The following DCLK3 variants were observed in gnomAD, a reference collection of about 807,000 sequenced individuals.
The protein encoded by DCLK3 is doublecortin like kinase 3.
DCLK3 carries 30 observed loss-of-function variants against 46.4 expected under a neutral mutation model. The observed-to-expected ratio is 0.65, with a 90% CI of 0.48 to 0.88. The LOEUF (loss-of-function observed/expected upper bound fraction) is 0.88, where lower values mean the gene tolerates loss of function less well. Ranked by LOEUF, DCLK3 falls within the 40% of genes least tolerant of loss-of-function variation. The probability of loss-of-function intolerance (pLI) is 0.00; values close to 1 mark genes in which losing one functional copy is unlikely to be tolerated. For missense variants in DCLK3, 846 were observed against 907.1 expected, an observed-to-expected ratio of 0.93 and a Z score of 0.87; for synonymous variants, 401 against 339.2, an observed-to-expected ratio of 1.18 and a Z score of -2.00.
rs1048337877 is a variant in DCLK3 at position 36,737,743 on chromosome 3, G to C, written c.1424C>G (p.Ser475Cys). ...TCTGAGAGTCATCCTTCTGCCTCCA[G>C]ACATACATGGCTTTTTCTCCTTCTC... Reference protein sequence around the residue: ...EAEKEKKPCMSGGRRMTLRDD... With the variant: ...EAEKEKKPCMCGGRRMTLRDD... The change falls in exon 2 of 5, where the codon TCT becomes TGT. Residue 475 changes from serine to cysteine, a missense_variant. Ser to Cys is a moderately radical substitution (Grantham distance 112). This residue lies in a region of DCLK3 where 553 missense variants were observed against 543.0 expected (regional missense o/e 1.02). Coordinates refer to ENST00000636136, the MANE Select transcript of DCLK3 (RefSeq NM_001394672.2). This position sits in a 1 kb window ranked among gnomAD's most constrained non-coding sequence, Gnocchi z 4.4. 6.2e-6 allele frequency: 10 copies of C among 1,614,018 alleles called. No individual in the cohort carries two copies. The African/African-American group carries it at 9.3e-5, about 15-fold the overall frequency.
intron 2 of DCLK3, among the ~76,000 whole-genome samples, chr3:36,723,782 A>C (rs1278602956): frequency 6.6e-6 from 1 of 152,192 alleles, no homozygotes; most frequent in Non-Finnish European, 1.5e-5. Context: ...TCCAGGCAAA[A>C]GTTTGCTGCA....
rs1194479173 is a variant in DCLK3, at chr3:36,712,928, A to C, written c.*2400T>G. On this transcript the variant is annotated 3_prime_UTR_variant, in exon 5 of 5. Coordinates refer to ENST00000636136, the MANE Select transcript of DCLK3 (RefSeq NM_001394672.2). Reference sequence around the variant, plus strand: ...GAAGTCTTCATAGGACATATGCTTGAATTTCTGCTGGGTAAACATCTAGAA... The same window carrying C: ...GAAGTCTTCATAGGACATATGCTTGCATTTCTGCTGGGTAAACATCTAGAA... 1 of 152,232 alleles carries C rather than the reference A, an allele frequency of 6.6e-6. No homozygotes were observed. Among genetic ancestry groups the C allele is most frequent in the East Asian group, 1.9e-4 (1 of 5,204 alleles). The allele number at this position is 152,232 out of a possible 1,614,324, so 9.4% of individuals were successfully genotyped here. A position where few individuals can be genotyped will look rare whatever the true frequency, so the allele number is the denominator to read the frequency against.
chr3:36,738,429 C>T lies in DCLK3; in HGVS notation c.738G>A (p.Gly246=). Residue 246 remains glycine (G), a synonymous_variant, in exon 2 of 5, where the codon GGG becomes GGA. Transcript: ENST00000636136. ...AGCKAAMRHQ[G]KIPEELSLDD... is the part of the protein sequence containing the mutation. ...CTAGTGAAAGCTCCTCGGGGATCTT[C>T]CCCTGGTGCCTCATGGCTGCCTTGC... is the stretch of plus-strand genomic sequence containing the variant. The T allele has an allele frequency of 6.8e-7, 1 of 1,477,870 alleles. No individual in the cohort carries two copies. Among genetic ancestry groups the T allele is most frequent in the Non-Finnish European group, 9.0e-7 (1 of 1,115,234 alleles). The allele number at this position is 1,477,870 out of a possible 1,614,324, so 91.5% of individuals were successfully genotyped here.
intron 1 of DCLK3, among the ~76,000 whole-genome samples, chr3:36,762,734 C>T (rs1701550681): frequency 6.6e-6 from 1 of 152,052 alleles, no homozygotes; most frequent in African/African-American, 2.4e-5. Context: ...GTGAAGGCAC[C>T]CAGGGTACCA....
At chr3:36,745,717 T>TA (rs1220281866) in intron 1 of DCLK3, among the ~76,000 whole-genome samples, 4 of 152,268 alleles carry the variant, frequency 2.6e-5, no homozygotes, top group Non-Finnish European at 5.9e-5. Flanking sequence ...GAAATAATTT[T>TA]ACTTTTCACT....
intron 1 of DCLK3, among the ~76,000 whole-genome samples, chr3:36,741,254 A>T (rs1198293816): frequency 3.3e-5 from 5 of 152,210 alleles, no homozygotes; most frequent in Non-Finnish European, 1.5e-5. Context: ...ACGCATGTGC[A>T]CAAAAGGGCT....
chr3:36,741,748 G>T (rs1469713377), intron 1 of DCLK3, among the ~76,000 whole-genome samples: 1 of 152,216 alleles, frequency 6.6e-6, no homozygotes, highest in Admixed American at 6.5e-5. Context: ...ATGGAGAAAT[G>T]AATGGTCAGC....
In DCLK3 at chr3:36,737,709, T is replaced by C. The variant is rs1701283519; in HGVS notation, c.1458A>G (p.Gln486=). Residue 486 remains glutamine (Q), a synonymous_variant, in exon 2 of 5, where the codon CAA becomes CAG. Coordinates refer to ENST00000636136, the MANE Select transcript of DCLK3 (RefSeq NM_001394672.2). The surrounding 1 kb of genome is among the most constrained non-coding windows in gnomAD (Gnocchi z 4.4). ...GGRRMTLRDD[Q]PAKLEKEPKT... is the part of the protein sequence containing the mutation. Reference sequence around the variant, plus strand: ...TGGGCTCCTTTTCTAGCTTTGCAGGTTGGTCATCTCTGAGAGTCATCCTTC... The same window carrying C: ...TGGGCTCCTTTTCTAGCTTTGCAGGCTGGTCATCTCTGAGAGTCATCCTTC... The C allele has an allele frequency of 1.9e-6, 3 of 1,614,004 alleles. No individual in the cohort carries two copies. The highest frequency in any genetic ancestry group is 2.5e-6 in the Non-Finnish European group (3 of 1,179,994).
chr3:36,755,097 C>CA lies in DCLK3; in HGVS notation c.82+9084dup, dbSNP rs527683031. 5.6e-3 allele frequency among the ~76,000 whole-genome samples: 846 copies of CA among 152,070 alleles called. 8 individuals are homozygous for CA. Among genetic ancestry groups the CA allele is most frequent in the Middle Eastern group, 0.017 (5 of 294 alleles). On this transcript the variant is annotated intron_variant, in intron 1 of 4. Transcript: ENST00000636136. ...ATAGAAAATTGCTAGGAATAACTAA[C>CA]AAAAAATGTGTATGAGCAACATAAG...
In DCLK3 at chr3:36,715,281, C is replaced by T; in HGVS notation, c.*47G>A. 1.3e-6 allele frequency: 2 copies of T among 1,595,104 alleles called. No homozygotes were observed. The highest frequency in any genetic ancestry group is 1.7e-6 in the Non-Finnish European group (2 of 1,173,250). ...TTCTCTCAAACTTCTATCCTTTTCT[C>T]TGTCCTTGAGCAGAACTGGGGGCTG... On this transcript the variant is annotated 3_prime_UTR_variant, in exon 5 of 5. Transcript: ENST00000636136.
chr3:36,737,525 T>C lies in DCLK3; in HGVS notation c.1642A>G (p.Arg548Gly). Reference protein sequence around the residue: ...VVKECRHRETRQAYAMKIIDK... With the variant: ...VVKECRHRETGQAYAMKIIDK... ...ATGATCTTCATCGCATAGGCCTGCCTGGTCTCGCGGTGTCTGCACTCCTTC... is the reference window on the plus strand; with the variant it reads ...ATGATCTTCATCGCATAGGCCTGCCCGGTCTCGCGGTGTCTGCACTCCTTC... The change falls in exon 2 of 5, where the codon AGG becomes GGG. Residue 548 changes from arginine to glycine, a missense_variant. Arg to Gly is a moderately radical substitution (Grantham distance 125). Transcript: ENST00000636136. This position sits in a 1 kb window ranked among gnomAD's most constrained non-coding sequence, Gnocchi z 4.4. The C allele has an allele frequency of 1.2e-6, 2 of 1,614,212 alleles. No homozygotes were observed. Among genetic ancestry groups the C allele is most frequent in the South Asian group, 1.1e-5 (1 of 91,054 alleles).
chr3:36,720,307 C>T (rs1367551216), intron 3 of DCLK3, among the ~76,000 whole-genome samples: 1 of 152,192 alleles, frequency 6.6e-6, no homozygotes, highest in Non-Finnish European at 1.5e-5. Flanking sequence ...AGATGGCTGG[C>T]ACCATGCTTG....
Position 36,738,026 on chromosome 3 carries a change from G to A in DCLK3, c.1141C>T (p.Gln381Ter). Reference protein sequence around the residue: ...SHRSSPRNPTQELRRPSKSMD... With the variant: ...SHRSSPRNPT ...CTCTTGCTGGGTCTCCTCAGCTCTT[G>A]AGTGGGATTCCTGGGGCTGCTCCTG... Residue 381 changes from glutamine (Q) to a stop codon, truncating the protein, a stop_gained, in exon 2 of 5, where the codon CAA becomes TAA. Transcript: ENST00000636136. LOFTEE classifies it high-confidence loss of function. 6.2e-7 allele frequency: 1 copy of A among 1,614,070 alleles called. No individual in the cohort carries two copies. The highest frequency in any genetic ancestry group is 8.5e-7 in the Non-Finnish European group (1 of 1,180,026).
rs1174559531 is a variant in DCLK3, at chr3:36,764,209, G to GGGCA, written c.54_55insTGCC (p.Pro19CysfsTer17). Reference sequence around the variant, plus strand: ...GGGGCAGGCCGCGCCGGGCAGGCTGGGGCTGGCCGGGCCGGGGGCGGCGGC... The same window carrying GGGCA: ...GGGGCAGGCCGCGCCGGGCAGGCTGGGGCAGGCTGGCCGGGCCGGGGGCGGCGGC... On this transcript the variant is annotated frameshift_variant, in exon 1 of 5. Coordinates refer to ENST00000636136, the MANE Select transcript of DCLK3 (RefSeq NM_001394672.2). LOFTEE classifies it high-confidence loss of function. This position sits in a 1 kb window ranked among gnomAD's most constrained non-coding sequence, Gnocchi z 4.9. 3 of 330,918 alleles carry GGGCA rather than the reference G, an allele frequency of 9.1e-6. No individual in the cohort carries two copies. Among genetic ancestry groups the GGGCA allele is most frequent in the Non-Finnish European group, 1.6e-5 (3 of 182,624 alleles). 20.5% of individuals were successfully genotyped at this position (330,918 alleles called of 1,614,324 possible).
At chr3:36,735,821 T>C (rs1701254748) in intron 2 of DCLK3, among the ~76,000 whole-genome samples, 1 of 152,256 alleles carries the variant, frequency 6.6e-6, no homozygotes, top group Non-Finnish European at 1.5e-5. Flanking sequence ...CAGCATGGTA[T>C]GGCCTTTAGG....
intron 2 of DCLK3, among the ~76,000 whole-genome samples, chr3:36,727,155 G>A (rs1701133650): frequency 1.3e-5 from 2 of 152,100 alleles, no homozygotes; most frequent in Admixed American, 1.3e-4. Flanking sequence ...TGGGCATGGT[G>A]GCGGGCCCCT....
intron 1 of DCLK3, among the ~76,000 whole-genome samples, chr3:36,749,704 A>G (rs1375552584): frequency 6.6e-6 from 1 of 152,250 alleles, no homozygotes; most frequent in Non-Finnish European, 1.5e-5. Flanking sequence ...CCATTCATCT[A>G]CAGGAACGAG....
At chr3:36,716,956 T>G (rs1366634697) in intron 4 of DCLK3, among the ~76,000 whole-genome samples, 2 of 152,108 alleles carry the variant, frequency 1.3e-5, no homozygotes, top group African/African-American at 2.4e-5. Context: ...AGCCACCCTC[T>G]CCCTACCTTA....
chr3:36,749,352 AC>A (rs1284452697), intron 1 of DCLK3, among the ~76,000 whole-genome samples: 3 of 151,950 alleles, frequency 2.0e-5, no homozygotes, highest in Non-Finnish European at 4.4e-5. Context: ...TGGTTATCAA[AC>A]CCTAGGGGCC....
Sources: allele counts gnomAD v4.1 joint callset (sites outside exome capture counted in the v4.1 genomes callset), GRCh38; gene constraint gnomAD v4.1.1; regional missense constraint gnomAD v4.1.1; non-coding constraint Gnocchi (gnomAD v3.1); transcripts MANE v1.5; gene names NCBI Gene and HGNC (gene_info 2026-07-23, HGNC 2026-07-21).